The following TNS3 variants were observed in gnomAD, a reference collection of about 807,000 sequenced individuals.
The protein encoded by TNS3 is tensin 3.
A neutral mutation model predicts 140.9 loss-of-function variants in TNS3; 45 were observed. The observed-to-expected ratio is 0.32, with a 90% CI of 0.25 to 0.41. The LOEUF (loss-of-function observed/expected upper bound fraction) is 0.41. Ranked by LOEUF, TNS3 falls within the 10% of genes least tolerant of loss-of-function variation. The probability of loss-of-function intolerance (pLI) is 1.00; values close to 1 mark genes in which losing one functional copy is unlikely to be tolerated. For synonymous variants in TNS3, 815 were observed against 788.4 expected (o/e 1.03, Z -0.56); for missense variants, 1,716 against 1,906.7 (o/e 0.90, Z 1.86).
At chr7:47,538,346 C>G (rs1036474635) in intron 1 of TNS3, among the ~76,000 whole-genome samples, 2 of 152,002 alleles carry the variant, frequency 1.3e-5, no homozygotes, top group African/African-American at 4.8e-5. Context: ...GGAAGAGACC[C>G]CTGCCTCAGA....
chr7:47,458,061 T>A (rs1053458502), intron 4 of TNS3, among the ~76,000 whole-genome samples: 1 of 152,068 alleles, frequency 6.6e-6, no homozygotes, highest in East Asian at 1.9e-4. Context: ...GTACGTCTCA[T>A]GCCAAAATAA....
At chr7:47,556,459 C>G (rs1420127383) in intron 1 of TNS3, among the ~76,000 whole-genome samples, 1 of 152,108 alleles carries the variant, frequency 6.6e-6, no homozygotes, top group Non-Finnish European at 1.5e-5. Flanking sequence ...TCCTGGGGCC[C>G]TAGGAGCCTC....
At chr7:47,395,463 C>T (rs185028950) in intron 16 of TNS3, among the ~76,000 whole-genome samples, 1 of 152,336 alleles carries the variant, frequency 6.6e-6, no homozygotes, top group African/African-American at 2.4e-5. Context: ...CAGATGCAAA[C>T]AGACGTTACT....
chr7:47,549,759 T>C (rs745618490), intron 1 of TNS3, among the ~76,000 whole-genome samples: 4 of 152,174 alleles, frequency 2.6e-5, no homozygotes, highest in African/African-American at 4.8e-5. Flanking sequence ...CTAGTCCATC[T>C]GTCCATCCGG....
chr7:47,551,063 G>A (rs1339778369), intron 1 of TNS3, among the ~76,000 whole-genome samples: 2 of 152,208 alleles, frequency 1.3e-5, no homozygotes, highest in East Asian at 1.9e-4. Flanking sequence ...GGGAGCCTGG[G>A]TGAATAGCAT....
chr7:47,334,696 T>C (rs1008844712), intron 20 of TNS3, among the ~76,000 whole-genome samples: 2 of 147,426 alleles, frequency 1.4e-5, no homozygotes, highest in African/African-American at 2.5e-5. Context: ...CTCCGCCTCC[T>C]GGGTTCAAAC....
intron 3 of TNS3, among the ~76,000 whole-genome samples, chr7:47,503,844 T>C (rs1310482374): frequency 6.6e-6 from 1 of 152,090 alleles, no homozygotes; most frequent in Non-Finnish European, 1.5e-5. Context: ...TTTTCAGGGT[T>C]CATAGAGGGT....
intron 4 of TNS3, among the ~76,000 whole-genome samples, chr7:47,459,642 G>A (rs1476795532): frequency 6.6e-6 from 1 of 152,244 alleles, no homozygotes; most frequent in East Asian, 1.9e-4. Flanking sequence ...CCAGTGTCTG[G>A]TGCATCAGAG....
rs774695194 is a variant in TNS3, at chr7:47,506,959, A to G, written c.-152-15T>C. ...ATACTTGCAGGCTGGGAAAAAAAAA[A>G]AGAGAAAGAATGTGTGTCAAGCAGT... On this transcript the variant is annotated splice_polypyrimidine_tract_variant and intron_variant, in intron 2 of 30. Transcript: ENST00000311160. The G allele has an allele frequency of 9.3e-6, 12 of 1,288,074 alleles. No individual in the cohort carries two copies. The highest frequency in any genetic ancestry group is 5.6e-5 in the East Asian group (1 of 18,016). The allele number at this position is 1,288,074 out of a possible 1,614,324, so 79.8% of individuals were successfully genotyped here.
At chr7:47,494,808 A>G (rs1187710626) in intron 3 of TNS3, among the ~76,000 whole-genome samples, 1 of 152,066 alleles carries the variant, frequency 6.6e-6, no homozygotes, top group Non-Finnish European at 1.5e-5. Context: ...GGGAGTAGGC[A>G]CTTCCTGAAT....
chr7:47,518,324 C>T (rs1798848595), intron 2 of TNS3, among the ~76,000 whole-genome samples: 1 of 152,104 alleles, frequency 6.6e-6, no homozygotes, highest in African/African-American at 2.4e-5. Flanking sequence ...GTCCCTCCGC[C>T]GATGTCATAG....
chr7:47,374,521 C>T (rs1791263451), intron 16 of TNS3, among the ~76,000 whole-genome samples: 2 of 152,180 alleles, frequency 1.3e-5, no homozygotes, highest in South Asian at 2.1e-4. Flanking sequence ...CATTGCTATG[C>T]TTTCTAAGAC....
chr7:47,527,974 C>T (rs1327505776), intron 2 of TNS3, among the ~76,000 whole-genome samples: 1 of 152,100 alleles, frequency 6.6e-6, no homozygotes, highest in Non-Finnish European at 1.5e-5. Context: ...CACTACAGCC[C>T]GTGTTCTCTG....
At position 47,479,337 on chromosome 7, in the gene TNS3, G is replaced by A. The variant is rs188843530; in HGVS notation, c.-76+1766C>T. On this transcript the variant is annotated intron_variant, in intron 4 of 30. Transcript: ENST00000311160. ...GAAAACAGGCTTCAGCCAGGGCCTC[G>A]GGACAGGCACACAGCTCTGGGGCCA... Among the ~76,000 whole-genome samples, 469 of 152,324 alleles carry A rather than the reference G, an allele frequency of 3.1e-3. 2 individuals carry two copies. The highest frequency in any genetic ancestry group is 6.0e-3 in the African/African-American group (248 of 41,568).
chr7:47,418,014 C>T (rs891356825), intron 10 of TNS3, among the ~76,000 whole-genome samples: 5 of 152,162 alleles, frequency 3.3e-5, no homozygotes, highest in Admixed American at 3.3e-4. Flanking sequence ...GGAGGCCAGG[C>T]GCAGTGGCTC....
intron 17 of TNS3, among the ~76,000 whole-genome samples, chr7:47,365,933 A>G (rs959256223): frequency 5.9e-5 from 9 of 152,204 alleles, no homozygotes; most frequent in Admixed American, 2.0e-4. Flanking sequence ...AAGACATATT[A>G]ACCTCAAGAG....
intron 2 of TNS3, among the ~76,000 whole-genome samples, chr7:47,512,493 A>G (rs1173667428): frequency 6.6e-6 from 1 of 152,258 alleles, no homozygotes; most frequent in East Asian, 1.9e-4. Flanking sequence ...CAAACAAAAT[A>G]TTAGGTAGCT....
rs1251054172 is a variant in TNS3, at chr7:47,293,781, T to C, written c.3724A>G (p.Thr1242Ala). Residue 1242 changes from threonine to alanine, a missense_variant, in exon 25 of 31, where the codon ACC becomes GCC. Thr to Ala is a moderately conservative substitution (Grantham distance 58). This residue lies in a region of TNS3 where 216 missense variants were observed against 295.7 expected (regional missense o/e 0.73). Coordinates refer to ENST00000311160, the MANE Select transcript of TNS3 (RefSeq NM_022748.12). ...ELVRHFLIEC[T>A]PKGVRLKGCS... Reference sequence around the variant, plus strand: ...CCTTTCAACCGCACTCCCTTCGGGGTACACTCGATCAAAAAGTGCCGGACG... The same window carrying C: ...CCTTTCAACCGCACTCCCTTCGGGGCACACTCGATCAAAAAGTGCCGGACG... The C allele has an allele frequency of 5.6e-6, 9 of 1,613,996 alleles. No individual in the cohort carries two copies. The highest frequency in any genetic ancestry group is 1.3e-5 in the African/African-American group (1 of 74,900).
Position 47,281,682 on chromosome 7 carries a change from T to C in TNS3, c.4098-1328A>G, listed in dbSNP as rs142039267. 3.0e-3 allele frequency among the ~76,000 whole-genome samples: 461 copies of C among 152,276 alleles called. 4 individuals are homozygous for C. The highest frequency in any genetic ancestry group is 0.01 in the African/African-American group (436 of 41,550). Reference sequence around the variant, plus strand: ...TGAAAGATCTGAACTGATGTGGACATGACCCATCTCCAGGGAATATAAAGA... The same window carrying C: ...TGAAAGATCTGAACTGATGTGGACACGACCCATCTCCAGGGAATATAAAGA... On this transcript the variant is annotated intron_variant, in intron 28 of 30. Transcript: ENST00000311160.
Sources: allele counts gnomAD v4.1 joint callset (sites outside exome capture counted in the v4.1 genomes callset), GRCh38; gene constraint gnomAD v4.1.1; regional missense constraint gnomAD v4.1.1; transcripts MANE v1.5; gene names NCBI Gene and HGNC (gene_info 2026-07-23, HGNC 2026-07-21).